SLC30A8: variants seen among roughly 807,000 people sequenced by gnomAD.
SLC30A8 encodes the protein proton-coupled zinc antiporter SLC30A8.
A neutral mutation model predicts 36.9 loss-of-function variants in SLC30A8; 27 were observed. That is an observed-to-expected ratio of 0.73 (90% confidence interval 0.54 to 1.01). SLC30A8 has a LOEUF of 1.01. Ranked by LOEUF, SLC30A8 falls within the 50% of genes least tolerant of loss-of-function variation. SLC30A8 has a pLI of 0.00. For synonymous variants in SLC30A8, 164 were observed against 172.4 expected (o/e 0.95, Z 0.38); for missense variants, 439 against 452.0 (o/e 0.97, Z 0.26).
intron 2 of SLC30A8, among the ~76,000 whole-genome samples, chr8:117,042,608 G>C (rs972362434): frequency 6.6e-6 from 1 of 151,960 alleles, no homozygotes; most frequent in Non-Finnish European, 1.5e-5. Flanking sequence ...CATCCTCTGG[G>C]AAACAGCCTG....
intron 2 of SLC30A8, among the ~76,000 whole-genome samples, chr8:117,105,476 ATG>A (rs1354141342): frequency 6.6e-6 from 1 of 151,224 alleles, no homozygotes; most frequent in African/African-American, 2.5e-5. Context: ...ATGTACACAT[ATG>A]TGTGTTCTTT....
At chr8:116,982,400 A>G (rs1815298594) in intron 1 of SLC30A8, among the ~76,000 whole-genome samples, 1 of 152,166 alleles carries the variant, frequency 6.6e-6, no homozygotes, top group South Asian at 2.1e-4. Flanking sequence ...CAGTTTTACC[A>G]TAGGCTGATT....
At chr8:117,135,704 TCA>T (rs2130933920) in intron 1 of SLC30A8, among the ~76,000 whole-genome samples, 1 of 152,048 alleles carries the variant, frequency 6.6e-6, no homozygotes, top group African/African-American at 2.4e-5. Flanking sequence ...TCAATTATTC[TCA>T]ATTTTAAGAT....
chr8:117,063,311 C>T (rs908535002), intron 2 of SLC30A8, among the ~76,000 whole-genome samples: 1 of 152,082 alleles, frequency 6.6e-6, no homozygotes, highest in African/African-American at 2.4e-5. Flanking sequence ...CAGGATTTTG[C>T]GTGGGTCAGC....
chr8:117,112,086 G>A lies in SLC30A8; in HGVS notation c.-225-23194G>A, dbSNP rs115391078. On this transcript the variant is annotated intron_variant, in intron 2 of 10. Transcript: ENST00000427715. Reference sequence around the variant, plus strand: ...TGACATTTCTTCCGTCTCTATTTCAGGTATCATTTTCTCTCCTCTAACCCC... The same window carrying A: ...TGACATTTCTTCCGTCTCTATTTCAAGTATCATTTTCTCTCCTCTAACCCC... Among the ~76,000 whole-genome samples, 179 of 152,114 alleles carry A rather than the reference G, an allele frequency of 1.2e-3. 1 individual carries two copies. The highest frequency in any genetic ancestry group is 3.8e-3 in the Admixed American group (58 of 15,274).
intron 1 of SLC30A8, among the ~76,000 whole-genome samples, chr8:117,028,778 G>A (rs1464907635): frequency 6.6e-6 from 1 of 151,812 alleles, no homozygotes; most frequent in Non-Finnish European, 1.5e-5. Context: ...ATATGTGTCT[G>A]TAAATAATAA....
chr8:117,090,033 C>A (rs1819043142), intron 2 of SLC30A8, among the ~76,000 whole-genome samples: 1 of 152,042 alleles, frequency 6.6e-6, no homozygotes. Flanking sequence ...AGTGCAGTGG[C>A]ATGATCTCGG....
In SLC30A8 at chr8:117,068,574, T is replaced by TTTTTG. The variant is rs1404420751; in HGVS notation, c.-226+29331_-226+29335dup. Among the ~76,000 whole-genome samples, 6 of 152,110 alleles carry TTTTTG rather than the reference T, an allele frequency of 3.9e-5. No individual in the cohort carries two copies. In the East Asian group the frequency reaches 5.8e-4, roughly 15 times the overall value. On this transcript the variant is annotated intron_variant, in intron 2 of 10. Transcript: ENST00000427715. ...TGAGCATCACCACTTTATTTTTATT[T>TTTTTG]TTTTGTTTTGTTTTGTTTTTGAGAC...
At chr8:117,012,365 T>G (rs1329090738) in intron 1 of SLC30A8, among the ~76,000 whole-genome samples, 2 of 152,062 alleles carry the variant, frequency 1.3e-5, no homozygotes, top group African/African-American at 4.8e-5. Context: ...AATTTAATTT[T>G]CTAATTCCAG....
At chr8:117,022,208 A>G (rs1255310263) in intron 1 of SLC30A8, among the ~76,000 whole-genome samples, 2 of 152,084 alleles carry the variant, frequency 1.3e-5, no homozygotes, top group African/African-American at 4.8e-5. Context: ...TCAAAAAAAA[A>G]AAAAGAAAAC....
intron 1 of SLC30A8, among the ~76,000 whole-genome samples, chr8:117,022,016 A>C (rs1042596984): frequency 2.6e-5 from 4 of 152,002 alleles, no homozygotes; most frequent in Middle Eastern, 3.4e-3. Flanking sequence ...AAGTTTAAAA[A>C]GGTAAGTTCC....
chr8:117,133,438 C>T (rs1039944633), upstream of SLC30A8, among the ~76,000 whole-genome samples: 4 of 152,064 alleles, frequency 2.6e-5, no homozygotes, highest in East Asian at 3.9e-4. Flanking sequence ...TCTGTACATC[C>T]GTATTTGTAC....
chr8:117,105,503 A>G (rs1459190012), intron 2 of SLC30A8, among the ~76,000 whole-genome samples: 3 of 152,190 alleles, frequency 2.0e-5, no homozygotes, highest in Admixed American at 2.0e-4. Flanking sequence ...GAGTGTGTAT[A>G]TTAACGAATA....
chr8:117,012,979 G>A lies in SLC30A8; in HGVS notation c.-265-26240G>A, dbSNP rs1340298363. Among the ~76,000 whole-genome samples, 4 of 151,894 alleles carry A rather than the reference G, an allele frequency of 2.6e-5. No homozygotes were observed. The East Asian group carries it at 7.8e-4, about 30-fold the overall frequency. ...TGGCATGACTGCCTCATTCTAATGGGGCTACTTTTGATGAAAGAGCAAGCA... is the reference window on the plus strand; with the variant it reads ...TGGCATGACTGCCTCATTCTAATGGAGCTACTTTTGATGAAAGAGCAAGCA... On this transcript the variant is annotated intron_variant, in intron 1 of 10. Coordinates refer to the SLC30A8 transcript ENST00000427715.
At chr8:117,143,534 A>G (rs1821755934) in intron 1 of SLC30A8, among the ~76,000 whole-genome samples, 1 of 152,112 alleles carries the variant, frequency 6.6e-6, no homozygotes, top group African/African-American at 2.4e-5. Context: ...TTCTGCATCT[A>G]GAGATACTTA....
chr8:117,085,645 C>T lies in SLC30A8; in HGVS notation c.-226+46387C>T, dbSNP rs139269982. Among the ~76,000 whole-genome samples the T allele has an allele frequency of 5.8e-3, 881 of 152,264 alleles. 7 individuals are homozygous for T. The highest frequency in any genetic ancestry group is 0.045 in the South Asian group (216 of 4,826). On this transcript the variant is annotated intron_variant, in intron 2 of 10. Transcript: ENST00000427715. ...CCCTTACTATGCCTTCATTATGTGG[C>T]TGGCACTGTGTTAAATGGTTCTTAT...
intron 1 of SLC30A8, among the ~76,000 whole-genome samples, chr8:117,023,180 C>T (rs1010539870): frequency 2.6e-4 from 39 of 152,342 alleles, no homozygotes; most frequent in African/African-American, 9.4e-4. Context: ...GATACCATCT[C>T]ACACCAGTTA....
chr8:117,147,147 G>A lies in SLC30A8; in HGVS notation c.265G>A (p.Val89Ile). The A allele has an allele frequency of 6.2e-7, 1 of 1,613,578 alleles. No individual in the cohort carries two copies. Residue 89 changes from valine to isoleucine, a missense_variant, in exon 2 of 8, where the codon GTC becomes ATC. Transcript: ENST00000456015. ...ATGCTTCATTTTCATGATTGCAGAG[G>A]TCGTGGGTGAGTCTTTCTGCAGACT... ...AICFIFMIAE[V>I]VGGHIAGSLA...
At chr8:116,961,303 C>T (rs184240574) in intron 1 of SLC30A8, among the ~76,000 whole-genome samples, 9 of 152,218 alleles carry the variant, frequency 5.9e-5, no homozygotes, top group Admixed American at 3.3e-4. Flanking sequence ...GTGGCAGGTG[C>T]CTGTGGTCCC....
Sources: allele counts gnomAD v4.1 joint callset (sites outside exome capture counted in the v4.1 genomes callset), GRCh38; gene constraint gnomAD v4.1.1; transcripts MANE v1.5; gene names NCBI Gene and HGNC (gene_info 2026-07-23, HGNC 2026-07-21).